The following POLR3A variants were observed in gnomAD, a reference collection of about 807,000 sequenced individuals.
The protein encoded by POLR3A is DNA-directed RNA polymerase III subunit RPC1.
A neutral mutation model predicts 152.8 loss-of-function variants in POLR3A; 112 were observed. The ratio of observed to expected loss-of-function variants is 0.73; its 90% CI spans 0.63 to 0.86. The LOEUF is 0.86. POLR3A is among the 40% of genes least tolerant of loss of function. The probability of loss-of-function intolerance (pLI) is 0.00; values close to 1 mark genes in which losing one functional copy is unlikely to be tolerated. For missense variants in POLR3A, 1,385 were observed against 1,743.1 expected (o/e 0.79, Z 3.66); for synonymous variants, 615 against 652.1 (o/e 0.94, Z 0.87).
At chr10:77,993,890 C>T (rs566578140) in intron 19 of POLR3A, among the ~76,000 whole-genome samples, 25 of 152,222 alleles carry the variant, frequency 1.6e-4, no homozygotes, top group African/African-American at 5.1e-4. Context: ...TAGGGAGAAC[C>T]GTCCACCAGC....
chr10:78,024,656 T>G lies in POLR3A; in HGVS notation c.538A>C (p.Lys180Gln). 1 of 1,613,916 alleles carries G rather than the reference T, an allele frequency of 6.2e-7. No individual in the cohort carries two copies. The highest frequency in any genetic ancestry group is 8.5e-7 in the Non-Finnish European group (1 of 1,179,750). ...GLLKIIHEKYKTNKKVVDPIV... is the reference protein window; with the variant it reads ...GLLKIIHEKYQTNKKVVDPIV... ...GGATCCACCACTTTTTTGTTGGTCT[T>G]GTATTTCTCATGAATTATTTTCAGC... is the stretch of plus-strand genomic sequence containing the variant. Residue 180 changes from lysine to glutamine, a missense_variant, in exon 5 of 31, where the codon AAG becomes CAG. Coordinates refer to ENST00000372371, the MANE Select transcript of POLR3A (RefSeq NM_007055.4).
chr10:77,982,779 GGA>G lies in POLR3A; in HGVS notation c.3466_3467del (p.Ser1156GlnfsTer8). ...CATCACCGGGCTTCACACGGAGCTT[GGA>G]TGTGCAGATGGAATATCTCACTGTC... ...AETVRYSICT[S>X]KLRVKPGDVA... is the part of the protein sequence containing the mutation. On this transcript the variant is annotated frameshift_variant, in exon 27 of 31. Transcript: ENST00000372371. LOFTEE classifies it high-confidence loss of function. 6.2e-7 allele frequency: 1 copy of G among 1,614,072 alleles called. No homozygotes were observed.
chr10:78,021,239 T>C (rs1220087293), intron 8 of POLR3A, among the ~76,000 whole-genome samples: 1 of 152,196 alleles, frequency 6.6e-6, no homozygotes, highest in Non-Finnish European at 1.5e-5. Context: ...AGTATTGGGA[T>C]TACAGGCATT....
intron 11 of POLR3A, chr10:78,013,399 A>G: frequency 2.0e-6 from 1 of 503,950 alleles, no homozygotes; most frequent in Non-Finnish European, 3.6e-6. Flanking sequence ...TTTATAGGCC[A>G]GAAAATCCCC....
intron 16 of POLR3A, among the ~76,000 whole-genome samples, chr10:78,004,377 C>T (rs948985855): frequency 6.6e-6 from 1 of 152,164 alleles, no homozygotes; most frequent in Non-Finnish European, 1.5e-5. Flanking sequence ...ACAGAAGGGA[C>T]CTGAGTGTGC....
rs185702805 is a variant in POLR3A, at chr10:78,009,107, T to C, written c.1909+430A>G. Among the ~76,000 whole-genome samples the C allele has an allele frequency of 1.1e-4, 15 of 132,330 alleles. No homozygotes were observed. In the South Asian group the frequency reaches 1.9e-3, roughly 16 times the overall value. 86.8% of individuals were successfully genotyped at this position (132,330 alleles called of 152,430 possible). Reference sequence around the variant, plus strand: ...GGTGGAAGTTGCAGTCAGCTGAGACTGCACCACTGCACTCCAGCCTGGGTG... The same window carrying C: ...GGTGGAAGTTGCAGTCAGCTGAGACCGCACCACTGCACTCCAGCCTGGGTG... On this transcript the variant is annotated intron_variant, in intron 14 of 30. Coordinates refer to ENST00000372371, the MANE Select transcript of POLR3A (RefSeq NM_007055.4).
chr10:77,993,075 A>T, intron 20 of POLR3A, 122 bp downstream of exon 20: 1 of 826,486 alleles, frequency 1.2e-6, no homozygotes, highest in East Asian at 2.4e-5. Context: ...ATACTAATCC[A>T]GTGCTTGGGA....
rs1343165099 is a variant in POLR3A, at chr10:78,029,503, C to G, written c.-96G>C. The G allele has an allele frequency of 4.0e-6, 5 of 1,249,250 alleles. No individual in the cohort carries two copies. The highest frequency in any genetic ancestry group is 1.5e-5 in the African/African-American group (1 of 67,954). 77.4% of individuals were successfully genotyped at this position (1,249,250 alleles called of 1,614,324 possible). A position where few individuals can be genotyped will look rare whatever the true frequency, so the allele number is the denominator to read the frequency against. On this transcript the variant is annotated 5_prime_UTR_variant, in exon 1 of 31. An upstream open reading frame in the 5' UTR loses its in-frame stop. Coordinates refer to ENST00000372371, the MANE Select transcript of POLR3A (RefSeq NM_007055.4). ...CCTGGGGCTGCTTCTGGACTCGCCG[C>G]TAACACATCTGCGGCATCCTCTCGG...
intron 1 of POLR3A, among the ~76,000 whole-genome samples, chr10:78,028,653 G>C (rs951066470): frequency 1.3e-5 from 2 of 151,934 alleles, no homozygotes; most frequent in African/African-American, 4.8e-5. Flanking sequence ...ACAAGGGCGC[G>C]CCACCACGCC....
intron 21 of POLR3A, 102 bp downstream of exon 21, chr10:77,990,951 TA>T: frequency 1.4e-6 from 1 of 725,798 alleles, no homozygotes; most frequent in Non-Finnish European, 2.5e-6. Context: ...AACCCTACCT[TA>T]AAAAACAACC....
intron 19 of POLR3A, among the ~76,000 whole-genome samples, chr10:77,999,389 C>T (rs1004560527): frequency 1.3e-5 from 2 of 152,072 alleles, no homozygotes; most frequent in Non-Finnish European, 2.9e-5. Context: ...TATGGAAGAA[C>T]ACAAGAAGAC....
intron 21 of POLR3A, among the ~76,000 whole-genome samples, chr10:77,988,071 C>T (rs1847214398): frequency 6.6e-6 from 1 of 152,202 alleles, no homozygotes; most frequent in African/African-American, 2.4e-5. Context: ...ACCTCGGGGG[C>T]CCAACACATC....
At chr10:77,990,000 A>G (rs1475521862) in intron 21 of POLR3A, among the ~76,000 whole-genome samples, 6 of 152,126 alleles carry the variant, frequency 3.9e-5, no homozygotes. Context: ...CCTTAACACA[A>G]ATATTCTTAT....
intron 10 of POLR3A, among the ~76,000 whole-genome samples, chr10:78,015,296 C>T (rs995841028): frequency 3.3e-5 from 5 of 151,960 alleles, no homozygotes; most frequent in Non-Finnish European, 7.4e-5. Context: ...GTTCATTAGA[C>T]CATTCTTTCT....
chr10:78,001,177 G>C (rs1279347086), intron 17 of POLR3A, 83 bp from the exon 18 acceptor site: 1 of 750,834 alleles, frequency 1.3e-6, no homozygotes, highest in East Asian at 2.7e-5. Flanking sequence ...GGGTAAAACA[G>C]GAATAGGCCC....
chr10:78,022,191 G>T lies in POLR3A; in HGVS notation c.839C>A (p.Thr280Lys). ...GAAAATGATTTCTGTCAGTTTCATT[G>T]TCAGATCATCTTCATTGGTGCCAGA... is the stretch of plus-strand genomic sequence containing the variant. The part of the protein sequence containing the change: ...LKSGTNEDDL[T>K]MKLTEIIFLN... The change falls in exon 6 of 31, where the codon ACA becomes AAA. Residue 280 changes from threonine to lysine, a missense_variant. By Grantham distance (78) the Thr-to-Lys change is moderately conservative. This residue lies in a region of POLR3A where 493 missense variants were observed against 647.5 expected (regional missense o/e 0.76). Transcript: ENST00000372371. 6.2e-7 allele frequency: 1 copy of T among 1,614,084 alleles called. No individual in the cohort carries two copies. The highest frequency in any genetic ancestry group is 8.5e-7 in the Non-Finnish European group (1 of 1,179,958).
Position 78,021,726 on chromosome 10 carries a change from G to C in POLR3A, c.1049-44C>G, listed in dbSNP as rs929665752. 1.9e-6 allele frequency: 3 copies of C among 1,611,614 alleles called. No individual in the cohort carries two copies. In the African/African-American group the frequency reaches 4.0e-5, roughly 22 times the overall value. ...GTCATAGGTCCCCATGGCATACCATGTGCTCATGGGAACAATAAGAACGGA... is the reference window on the plus strand; with the variant it reads ...GTCATAGGTCCCCATGGCATACCATCTGCTCATGGGAACAATAAGAACGGA... On this transcript the variant is annotated intron_variant, in intron 7 of 30. Coordinates refer to ENST00000372371, the MANE Select transcript of POLR3A (RefSeq NM_007055.4).
At position 78,010,007 on chromosome 10, in the gene POLR3A, C is replaced by G. The variant is rs773132233; in HGVS notation, c.1643-16G>C. 1 of 1,613,406 alleles carries G rather than the reference C, an allele frequency of 6.2e-7. No individual in the cohort carries two copies. The highest frequency in any genetic ancestry group is 1.3e-5 in the African/African-American group (1 of 74,872). On this transcript the variant is annotated splice_polypyrimidine_tract_variant and intron_variant, in intron 12 of 30. Coordinates refer to ENST00000372371, the MANE Select transcript of POLR3A (RefSeq NM_007055.4). ...AGATAGGCACCTAAGCATTAGGAAC[C>G]AACACAAAACAAAGAAAAGGAATGA...
chr10:77,984,503 CCAGCT>C (rs1440101738), intron 24 of POLR3A, among the ~76,000 whole-genome samples: 1 of 152,154 alleles, frequency 6.6e-6, no homozygotes, highest in Non-Finnish European at 1.5e-5. Context: ...GCCACCACGC[CCAGCT>C]AATTTTTTGT....
Sources: allele counts gnomAD v4.1 joint callset (sites outside exome capture counted in the v4.1 genomes callset), GRCh38; gene constraint gnomAD v4.1.1; regional missense constraint gnomAD v4.1.1; transcripts MANE v1.5; gene names NCBI Gene and HGNC (gene_info 2026-07-23, HGNC 2026-07-21).